SMTNL2: variants seen among roughly 807,000 people sequenced by gnomAD.
SMTNL2 encodes the protein smoothelin-like protein 2.
In SMTNL2, 43 loss-of-function variants were observed where a neutral mutation model predicts 44.1. The ratio of observed to expected loss-of-function variants is 0.98; its 90% CI spans 0.76 to 1.26. SMTNL2 has a LOEUF of 1.26. Among genes scored for constraint, SMTNL2 ranks in the 50% most tolerant of loss-of-function variants. The pLI is 0.00. For synonymous variants in SMTNL2, 317 were observed against 287.6 expected (o/e 1.10, Z -1.03); for missense variants, 646 against 670.2 (o/e 0.96, Z 0.40).
chr17:4,601,284 G>A (rs999574123), intron 7 of SMTNL2, among the ~76,000 whole-genome samples: 1 of 152,086 alleles, frequency 6.6e-6, no homozygotes, highest in African/African-American at 2.4e-5. Context: ...GTGTGGTGGT[G>A]CACACCTGTG....
chr17:4,595,285 A>G lies in SMTNL2; in HGVS notation c.947A>G (p.Lys316Arg), dbSNP rs369697181. The change falls in exon 5 of 8, where the codon AAA becomes AGA. Residue 316 changes from lysine to arginine, a missense_variant. Coordinates refer to ENST00000389313, the MANE Select transcript of SMTNL2 (RefSeq NM_001114974.2). This position sits in a 1 kb window ranked among gnomAD's most constrained non-coding sequence, Gnocchi z 5.1. Reference sequence around the variant, plus strand: ...CGCACCTCGGAGGCGCAGGCCCGGAAAGCATTGTTTGAGAAGTGGGAGCAG... The same window carrying G: ...CGCACCTCGGAGGCGCAGGCCCGGAGAGCATTGTTTGAGAAGTGGGAGCAG... ...LPRTSEAQAR[K>R]ALFEKWEQET... 5 of 1,613,070 alleles carry G rather than the reference A, an allele frequency of 3.1e-6. No individual in the cohort carries two copies. The African/African-American group carries it at 4.0e-5, about 13-fold the overall frequency.
At chr17:4,588,200 C>T (rs543083060) in intron 1 of SMTNL2, among the ~76,000 whole-genome samples, 7 of 152,314 alleles carry the variant, frequency 4.6e-5, no homozygotes, top group African/African-American at 1.7e-4. Flanking sequence ...TCTGGCCCTG[C>T]GTGGGTCTCG....
chr17:4,601,441 T>C (rs1409536665), intron 7 of SMTNL2, among the ~76,000 whole-genome samples: 1 of 152,070 alleles, frequency 6.6e-6, no homozygotes, highest in Non-Finnish European at 1.5e-5. Flanking sequence ...TCAGCCCATG[T>C]TAACTCTGGT....
In SMTNL2 at chr17:4,592,503, C is replaced by A; in HGVS notation, c.487+55C>A. ...GGGTAGGTTTGGGGGTTAAGTAAGG[C>A]CTTGGTCAGGTATCTGTGCCAGGCT... is the stretch of plus-strand genomic sequence containing the variant. On this transcript the variant is annotated intron_variant, in intron 2 of 7. Coordinates refer to ENST00000389313, the MANE Select transcript of SMTNL2 (RefSeq NM_001114974.2). The surrounding 1 kb of genome is among the most constrained non-coding windows in gnomAD (Gnocchi z 4.5). The A allele has an allele frequency of 6.5e-7, 1 of 1,534,754 alleles. No individual in the cohort carries two copies.
Position 4,585,000 on chromosome 17 carries a change from G to A in SMTNL2, c.395G>A (p.Gly132Asp). Reference sequence around the variant, plus strand: ...GCCACCTTCTCGCTGTCCGGCCGCGGCCAGGTGAGCCCGGGGGAGCGCGTG... The same window carrying A: ...GCCACCTTCTCGCTGTCCGGCCGCGACCAGGTGAGCCCGGGGGAGCGCGTG... ...SHATFSLSGR[G>D]QSLDHDEASE... The change falls in exon 1 of 8, where the codon GGC becomes GAC. Residue 132 changes from glycine to aspartate, a missense_variant. Gly to Asp is a moderately conservative substitution (Grantham distance 94, BLOSUM62 -1). Transcript: ENST00000389313. 7.4e-7 allele frequency: 1 copy of A among 1,355,716 alleles called. No homozygotes were observed. The highest frequency in any genetic ancestry group is 9.5e-7 in the Non-Finnish European group (1 of 1,057,118). 84.0% of individuals were successfully genotyped at this position (1,355,716 alleles called of 1,614,324 possible).
In SMTNL2 at chr17:4,595,131, G is replaced by A. The variant is rs760066995; in HGVS notation, c.807-14G>A. On this transcript the variant is annotated splice_polypyrimidine_tract_variant and intron_variant, in intron 4 of 7. Transcript: ENST00000389313. This position sits in a 1 kb window ranked among gnomAD's most constrained non-coding sequence, Gnocchi z 5.1. Reference sequence around the variant, plus strand: ...TGCTGGGCCCAGGTCCCAACTCGGCGATTCTTTCCTCAGCCCACCGCTGGT... The same window carrying A: ...TGCTGGGCCCAGGTCCCAACTCGGCAATTCTTTCCTCAGCCCACCGCTGGT... The A allele has an allele frequency of 1.1e-5, 18 of 1,613,010 alleles. No homozygotes were observed. The highest frequency in any genetic ancestry group is 6.6e-5 in the South Asian group (6 of 91,044).
chr17:4,600,031 G>A lies in SMTNL2; in HGVS notation c.1259+2708G>A, dbSNP rs545602295. Among the ~76,000 whole-genome samples, 4 of 152,292 alleles carry A rather than the reference G, an allele frequency of 2.6e-5. No individual in the cohort carries two copies. Among genetic ancestry groups the A allele is most frequent in the South Asian group, 2.1e-4 (1 of 4,826 alleles). On this transcript the variant is annotated intron_variant, in intron 7 of 7. Transcript: ENST00000389313. The surrounding 1 kb of genome is among the most constrained non-coding windows in gnomAD (Gnocchi z 4.7). ...GAGGGCGTGGGGAGGGGCGTCCACC[G>A]CAGGCCTGTGCCGGGGGGTCGGGGG...
intron 1 of SMTNL2, among the ~76,000 whole-genome samples, chr17:4,589,242 C>T (rs551608968): frequency 0.018 from 2,686 of 152,238 alleles, 90 homozygotes; most frequent in African/African-American, 0.061. Flanking sequence ...GGAGGGCCTC[C>T]CACCCACCTA....
rs1222851375 is a variant in SMTNL2 at position 4,584,986 on chromosome 17, G to C, written c.381G>C (p.Ser127=). 2.9e-6 allele frequency: 4 copies of C among 1,373,302 alleles called. No homozygotes were observed. Among genetic ancestry groups the C allele is most frequent in the Non-Finnish European group, 3.8e-6 (4 of 1,064,950 alleles). The allele number at this position is 1,373,302 out of a possible 1,614,324, so 85.1% of individuals were successfully genotyped here. A position where few individuals can be genotyped will look rare whatever the true frequency, so the allele number is the denominator to read the frequency against. ...SARFASHATF[S]LSGRGQSLDH... ...GCTTCGCCAGCCACGCCACCTTCTC[G>C]CTGTCCGGCCGCGGCCAGGTGAGCC... Residue 127 remains serine (S), a synonymous_variant, in exon 1 of 8, where the codon TCG becomes TCC. Coordinates refer to ENST00000389313, the MANE Select transcript of SMTNL2 (RefSeq NM_001114974.2).
intron 7 of SMTNL2, among the ~76,000 whole-genome samples, chr17:4,605,159 T>TG (rs1383230984): frequency 2.3e-5 from 3 of 132,228 alleles, no homozygotes; most frequent in African/African-American, 9.1e-5. Flanking sequence ...TTTGGTTTTT[T>TG]TTTTTTTTTT....
At position 4,600,836 on chromosome 17, in the gene SMTNL2, G is replaced by A. The variant is rs934449053; in HGVS notation, c.1259+3513G>A. 7.9e-5 allele frequency among the ~76,000 whole-genome samples: 12 copies of A among 152,204 alleles called. No individual in the cohort carries two copies. The highest frequency in any genetic ancestry group is 1.7e-4 in the African/African-American group (7 of 41,450). The stretch of plus-strand genomic sequence containing the variant: ...CCTGCGGGGAATGTGTCCTGCTCTC[G>A]GGTTACGCTGGAGCAGAAGGGCCTT... On this transcript the variant is annotated intron_variant, in intron 7 of 7. Coordinates refer to ENST00000389313, the MANE Select transcript of SMTNL2 (RefSeq NM_001114974.2). The surrounding 1 kb of genome is among the most constrained non-coding windows in gnomAD (Gnocchi z 4.7).
chr17:4,607,652 G>T lies in SMTNL2; in HGVS notation c.*165G>T. ...CCCCTTCGAGCCCAGCTGTGTTACT[G>T]ATTAAAAGTACTGCTGAGCTGTGGT... On this transcript the variant is annotated 3_prime_UTR_variant, in exon 8 of 8. Transcript: ENST00000389313. The surrounding 1 kb of genome is among the most constrained non-coding windows in gnomAD (Gnocchi z 4.7). The T allele has an allele frequency of 8.7e-7, 1 of 1,146,630 alleles. No individual in the cohort carries two copies. Among genetic ancestry groups the T allele is most frequent in the East Asian group, 2.6e-5 (1 of 39,056 alleles). 71.0% of individuals were successfully genotyped at this position (1,146,630 alleles called of 1,614,324 possible).
At chr17:4,606,829 G>C in intron 7 of SMTNL2, among the ~76,000 whole-genome samples, 1 of 152,116 alleles carries the variant, frequency 6.6e-6, no homozygotes, top group Non-Finnish European at 1.5e-5. Context: ...AGAATCACTC[G>C]AACCCGGGAG....
In SMTNL2 at chr17:4,593,122, C is replaced by G; in HGVS notation, c.681C>G (p.Leu227=). Residue 227 remains leucine, a synonymous_variant, in exon 3 of 8, where the codon CTC becomes CTG. Transcript: ENST00000389313. ...TGTCTGCTGCCACCCTGGGGGGCCT[C>G]AACCCAAGCCCCAGCGAGGTCATCA... ...SPMSAATLGG[L]NPSPSEVITP... is the part of the protein sequence containing the mutation. 1.2e-6 allele frequency: 2 copies of G among 1,612,658 alleles called. No individual in the cohort carries two copies. Among genetic ancestry groups the G allele is most frequent in the Non-Finnish European group, 1.7e-6 (2 of 1,179,080 alleles).
At position 4,607,742 on chromosome 17, in the gene SMTNL2, A is replaced by G. The variant is rs1910339868; in HGVS notation, c.*255A>G. 4.7e-6 allele frequency: 2 copies of G among 423,948 alleles called. No individual in the cohort carries two copies. The highest frequency in any genetic ancestry group is 4.0e-5 in the African/African-American group (2 of 49,712). 26.3% of individuals were successfully genotyped at this position (423,948 alleles called of 1,614,324 possible). A position where few individuals can be genotyped will look rare whatever the true frequency, so the allele number is the denominator to read the frequency against. On this transcript the variant is annotated 3_prime_UTR_variant, in exon 8 of 8. Coordinates refer to ENST00000389313, the MANE Select transcript of SMTNL2 (RefSeq NM_001114974.2). This position sits in a 1 kb window ranked among gnomAD's most constrained non-coding sequence, Gnocchi z 4.7. Reference sequence around the variant, plus strand: ...GAAAAATTATGAGAGAGAGAGAGACATTGGTGCTAAGTAATGATCTTCCTA... The same window carrying G: ...GAAAAATTATGAGAGAGAGAGAGACGTTGGTGCTAAGTAATGATCTTCCTA...
intron 3 of SMTNL2, 29 bp downstream of exon 3, chr17:4,593,200 C>G: frequency 6.5e-7 from 1 of 1,546,452 alleles, no homozygotes; most frequent in Non-Finnish European, 8.8e-7. Context: ...GGCCTTGGGG[C>G]AGACCTCCCC....
At position 4,592,972 on chromosome 17, in the gene SMTNL2, A is replaced by T. The variant is rs1199630388; in HGVS notation, c.531A>T (p.Ala177=). 1 of 1,613,812 alleles carries T rather than the reference A, an allele frequency of 6.2e-7. No homozygotes were observed. Among genetic ancestry groups the T allele is most frequent in the Non-Finnish European group, 8.5e-7 (1 of 1,179,912 alleles). Residue 177 remains alanine, a synonymous_variant, in exon 3 of 8, where the codon GCA becomes GCT. Coordinates refer to ENST00000389313, the MANE Select transcript of SMTNL2 (RefSeq NM_001114974.2). This position sits in a 1 kb window ranked among gnomAD's most constrained non-coding sequence, Gnocchi z 4.5. ...GPPEIAQNFS[A]PDPPRPRPVS... ...CTGAGATTGCCCAAAACTTCTCAGC[A>T]CCAGATCCCCCCAGGCCTCGTCCTG...
At position 4,598,277 on chromosome 17, in the gene SMTNL2, A is replaced by T. The variant is rs567453267; in HGVS notation, c.1259+954A>T. 6.6e-6 allele frequency among the ~76,000 whole-genome samples: 1 copy of T among 152,198 alleles called. No homozygotes were observed. The highest frequency in any genetic ancestry group is 2.4e-5 in the African/African-American group (1 of 41,512). On this transcript the variant is annotated intron_variant, in intron 7 of 7. Coordinates refer to ENST00000389313, the MANE Select transcript of SMTNL2 (RefSeq NM_001114974.2). This position sits in a 1 kb window ranked among gnomAD's most constrained non-coding sequence, Gnocchi z 4.8. ...CATGGTGACTGAACCCAATCTGAAG[A>T]CAGAGGGCCAGGGCTGTGGTTCATC...
At chr17:4,590,417 G>C (rs898755835) in intron 1 of SMTNL2, among the ~76,000 whole-genome samples, 1 of 152,038 alleles carries the variant, frequency 6.6e-6, no homozygotes, top group Non-Finnish European at 1.5e-5. Context: ...GGGCCCCTAA[G>C]CTGCTCTTCC....
Sources: gnomAD v4.1 joint callset for allele counts (sites outside exome capture counted in the v4.1 genomes callset) on GRCh38, gnomAD v4.1.1 for gene constraint, Gnocchi (gnomAD v3.1) non-coding constraint, MANE v1.5 for transcripts, NCBI Gene and HGNC (gene_info 2026-07-23, HGNC 2026-07-21) for gene names.